The following PPIL3 variants were observed in gnomAD, a reference collection of about 807,000 sequenced individuals.
PPIL3 encodes peptidyl-prolyl cis-trans isomerase-like 3.
In PPIL3, 13 loss-of-function variants were observed where a neutral mutation model predicts 20.9. The observed-to-expected ratio is 0.62, with a 90% CI of 0.40 to 0.99. The LOEUF (loss-of-function observed/expected upper bound fraction) is 0.99, where lower values mean the gene tolerates loss of function less well. PPIL3 is among the 50% of genes least tolerant of loss of function. The probability of loss-of-function intolerance (pLI) is 0.00; values close to 1 mark genes in which losing one functional copy is unlikely to be tolerated. For missense variants in PPIL3, 170 were observed against 195.2 expected, an observed-to-expected ratio of 0.87 and a Z score of 0.77; for synonymous variants, 71 against 64.4, an observed-to-expected ratio of 1.10 and a Z score of -0.49.
chr2:200,887,379 C>CAAAAA (rs770510276), intron 2 of PPIL3, among the ~76,000 whole-genome samples: 4 of 50,770 alleles, frequency 7.9e-5, no homozygotes, highest in Non-Finnish European at 1.7e-4. Flanking sequence ...GAGTGAAACT[C>CAAAAA]AAAAAAAAAA....
chr2:200,880,032 T>C (rs534971372), intron 5 of PPIL3, among the ~76,000 whole-genome samples: 4 of 152,198 alleles, frequency 2.6e-5, no homozygotes, highest in South Asian at 2.1e-4. Context: ...TTCCTTACAA[T>C]AGAAAAGTAA....
At chr2:200,879,761 G>A (rs1357543966) in intron 5 of PPIL3, among the ~76,000 whole-genome samples, 2 of 152,112 alleles carry the variant, frequency 1.3e-5, no homozygotes. Context: ...TTGAGCTCAG[G>A]TCAAGGCTGC....
At chr2:200,880,423 T>TTTTTTTTTG (rs2039682590) in intron 5 of PPIL3, among the ~76,000 whole-genome samples, 2 of 151,032 alleles carry the variant, frequency 1.3e-5, no homozygotes, top group African/African-American at 4.9e-5. Context: ...TTTTTTTTTT[T>TTTTTTTTTG]GAGTGGGGTC....
intron 6 of PPIL3, 54 bp from the exon 7 acceptor site, chr2:200,871,575 T>C: frequency 1.4e-6 from 2 of 1,481,198 alleles, no homozygotes; most frequent in South Asian, 2.4e-5. Context: ...AAACATGATA[T>C]CCATATCTAT....
intron 6 of PPIL3, among the ~76,000 whole-genome samples, chr2:200,872,047 G>C (rs951011247): frequency 6.6e-6 from 1 of 152,114 alleles, no homozygotes; most frequent in Admixed American, 6.6e-5. Context: ...GGAGTGAACA[G>C]AGACCCCGGT....
At chr2:200,877,215 C>T (rs188001988) in intron 5 of PPIL3, among the ~76,000 whole-genome samples, 178 bp from the exon 6 acceptor site, 102 of 152,274 alleles carry the variant, frequency 6.7e-4, no homozygotes, top group African/African-American at 2.3e-3. Context: ...CCTGCCTTAG[C>T]TTCCAAAGTG....
At chr2:200,873,926 C>G (rs1281466349) in intron 6 of PPIL3, among the ~76,000 whole-genome samples, 1 of 151,850 alleles carries the variant, frequency 6.6e-6, no homozygotes, top group Admixed American at 6.6e-5. Flanking sequence ...GATTTGTAGG[C>G]CTGGCGCAGT....
chr2:200,883,745 A>G lies in PPIL3; in HGVS notation c.79-1310T>C, dbSNP rs1357813526. 3.9e-5 allele frequency among the ~76,000 whole-genome samples: 6 copies of G among 152,324 alleles called. No individual in the cohort carries two copies. The East Asian group carries it at 1.2e-3, about 29-fold the overall frequency. On this transcript the variant is annotated intron_variant, in intron 3 of 6. Transcript: ENST00000392283. ...GTATCTCCAGACTCTGGGGCAAGAT[A>G]GCCTTTCACGAATAATGGGTTTCTT...
intron 4 of PPIL3, among the ~76,000 whole-genome samples, chr2:200,882,106 C>A (rs553109951): frequency 1.3e-5 from 2 of 152,130 alleles, no homozygotes; most frequent in African/African-American, 4.8e-5. Flanking sequence ...AGCATTAGGA[C>A]GAATAGCTAA....
chr2:200,887,830 G>C (rs902291828), intron 1 of PPIL3, 145 bp from the exon 2 acceptor site: 1 of 370,578 alleles, frequency 2.7e-6, no homozygotes, highest in East Asian at 4.2e-5. Context: ...GCCGAGGCGG[G>C]TGGATCACTT....
At chr2:200,874,034 T>A (rs933061432) in intron 6 of PPIL3, among the ~76,000 whole-genome samples, 34 of 150,826 alleles carry the variant, frequency 2.3e-4, no homozygotes, top group South Asian at 6.3e-4. Context: ...TGAAACCCCG[T>A]CTCTACTAAA....
chr2:200,885,637 A>G (rs1224725677), intron 3 of PPIL3, 61 bp downstream of exon 3: 2 of 1,096,286 alleles, frequency 1.8e-6, no homozygotes, highest in African/African-American at 1.6e-5. Flanking sequence ...AGATTATTCA[A>G]TTCCAAAGTG....
intron 6 of PPIL3, 105 bp from the exon 7 acceptor site, chr2:200,871,626 ATC>A (rs2039309011): frequency 6.2e-6 from 6 of 964,146 alleles, no homozygotes; most frequent in Non-Finnish European, 9.0e-6. Context: ...AGTCTTACAG[ATC>A]TCTGAGTTCT....
intron 6 of PPIL3, among the ~76,000 whole-genome samples, chr2:200,873,185 G>C (rs1166574040): frequency 6.7e-6 from 1 of 149,686 alleles, no homozygotes; most frequent in Non-Finnish European, 1.5e-5. Flanking sequence ...TTTAATTATA[G>C]TATTTCTTTC....
At chr2:200,881,300 A>G in intron 5 of PPIL3, 121 bp downstream of exon 5, 1 of 723,808 alleles carries the variant, frequency 1.4e-6, no homozygotes. Context: ...ATGTACAAAA[A>G]CTATAAAAAA....
chr2:200,873,599 C>T (rs1286307932), intron 6 of PPIL3, among the ~76,000 whole-genome samples: 2 of 151,892 alleles, frequency 1.3e-5, no homozygotes, highest in African/African-American at 4.8e-5. Flanking sequence ...TTCATGTTAC[C>T]ACCAAGAAAA....
At chr2:200,879,158 G>T (rs551487379) in intron 5 of PPIL3, among the ~76,000 whole-genome samples, 2 of 151,502 alleles carry the variant, frequency 1.3e-5, no homozygotes, top group East Asian at 3.9e-4. Flanking sequence ...TCGCTCTGTC[G>T]CCCAGACTGG....
chr2:200,879,381 A>AGGGAGGG (rs2039634339), intron 5 of PPIL3, among the ~76,000 whole-genome samples: 1 of 152,020 alleles, frequency 6.6e-6, no homozygotes, highest in Admixed American at 6.5e-5. Flanking sequence ...GGCCTCCCAA[A>AGGGAGGG]GTGCTGGGAT....
At position 200,889,023 on chromosome 2, in the gene PPIL3, C is replaced by A. The variant is rs2040093679; in HGVS notation, c.-138G>T. ...GGAAAAATGCAATCGCAGATGCCAG[C>A]AGAGGTCTGTTGGTTCAAAATTATA... On this transcript the variant is annotated 5_prime_UTR_variant, in exon 1 of 7. Coordinates refer to ENST00000392283, the MANE Select transcript of PPIL3 (RefSeq NM_130906.3). 2.1e-6 allele frequency: 1 copy of A among 471,120 alleles called. No individual in the cohort carries two copies. The allele number at this position is 471,120 out of a possible 1,614,324, so 29.2% of individuals were successfully genotyped here. A position where few individuals can be genotyped will look rare whatever the true frequency, so the allele number is the denominator to read the frequency against.
Sources: allele counts gnomAD v4.1 joint callset (sites outside exome capture counted in the v4.1 genomes callset), GRCh38; gene constraint gnomAD v4.1.1; transcripts MANE v1.5; gene names NCBI Gene and HGNC (gene_info 2026-07-23, HGNC 2026-07-21).